Variants in DCAF8 observed in about 807,000 individuals in gnomAD.
DCAF8 encodes the protein DDB1 and CUL4 associated factor 8.
DCAF8 carries 20 observed loss-of-function variants against 68.0 expected under a neutral mutation model. The observed-to-expected ratio is 0.29, with a 90% CI of 0.21 to 0.43. The LOEUF is 0.43. DCAF8 is among the 20% of genes least tolerant of loss of function. The pLI is 1.00. For synonymous variants in DCAF8, 230 were observed against 276.9 expected (o/e 0.83, Z 1.68); for missense variants, 460 against 771.0 (o/e 0.60, Z 4.78).
intron 7 of DCAF8, among the ~76,000 whole-genome samples, chr1:160,226,318 T>C (rs987781623): frequency 3.3e-5 from 5 of 152,128 alleles, no homozygotes; most frequent in Admixed American, 3.3e-4. Context: ...CTCCCTCTCA[T>C]ACCCCACAAT....
intron 2 of DCAF8, among the ~76,000 whole-genome samples, chr1:160,256,115 G>C (rs1300566606): frequency 6.8e-6 from 1 of 147,760 alleles, no homozygotes; most frequent in Non-Finnish European, 1.5e-5. Flanking sequence ...AGCCCCCCGA[G>C]TAGTTGGGAT....
At chr1:160,229,405 T>C (rs1225047639) in intron 7 of DCAF8, among the ~76,000 whole-genome samples, 1 of 152,214 alleles carries the variant, frequency 6.6e-6, no homozygotes, top group Non-Finnish European at 1.5e-5. Context: ...TGTGTTGAAA[T>C]GCTAAAACTC....
At chr1:160,239,561 G>A (rs750393945) in intron 4 of DCAF8, 136 bp downstream of exon 4, 1 of 1,584,186 alleles carries the variant, frequency 6.3e-7, no homozygotes, top group Non-Finnish European at 8.6e-7. Flanking sequence ...AGGTCATTAG[G>A]GGAGCCAAAG....
chr1:160,236,128 C>G (rs1232937359), intron 6 of DCAF8, among the ~76,000 whole-genome samples: 1 of 151,966 alleles, frequency 6.6e-6, no homozygotes, highest in Non-Finnish European at 1.5e-5. Context: ...TTACTTGAAT[C>G]TCTTAAACAA....
chr1:160,229,386 A>G (rs1035704149), intron 7 of DCAF8, among the ~76,000 whole-genome samples: 1 of 152,198 alleles, frequency 6.6e-6, no homozygotes, highest in Non-Finnish European at 1.5e-5. Flanking sequence ...AGATTTGAGT[A>G]TTTCTCCTTG....
intron 3 of DCAF8, among the ~76,000 whole-genome samples, chr1:160,242,051 C>T (rs1331336315): frequency 3.3e-5 from 5 of 152,114 alleles, no homozygotes; most frequent in East Asian, 1.9e-4. Context: ...AAGACCAGCC[C>T]GGCTAACATG....
intron 7 of DCAF8, among the ~76,000 whole-genome samples, chr1:160,228,204 T>C (rs78215158): frequency 0.014 from 2,121 of 152,068 alleles, 57 homozygotes; most frequent in African/African-American, 0.048. Flanking sequence ...TCTAGTTTTA[T>C]AGTCATGAGC....
At chr1:160,253,982 G>A (rs1221931727) in intron 2 of DCAF8, among the ~76,000 whole-genome samples, 1 of 152,196 alleles carries the variant, frequency 6.6e-6, no homozygotes, top group Non-Finnish European at 1.5e-5. Flanking sequence ...TTTCTCTCCA[G>A]TAAAGAATCA....
chr1:160,249,040 A>G (rs1656472932), intron 2 of DCAF8, among the ~76,000 whole-genome samples: 1 of 149,248 alleles, frequency 6.7e-6, no homozygotes, highest in African/African-American at 2.6e-5. Flanking sequence ...AAAATACAAA[A>G]TTAGCTGGGG....
In DCAF8 at chr1:160,217,661, C is replaced by T; in HGVS notation, c.1725G>A (p.Glu575=). Residue 575 remains glutamate (E), a synonymous_variant, in exon 14 of 14, where the codon GAG becomes GAA. Coordinates refer to ENST00000368074, the MANE Select transcript of DCAF8 (RefSeq NM_015726.4). ...CCGATGTGTCTGAGGAGCTGGGAGA[C>T]TCATCAGAGTCCGCGTCTGTGGCCC... ...GVGATDADSD[E]SPSSSDTSDE... 1 of 1,614,186 alleles carries T rather than the reference C, an allele frequency of 6.2e-7. No homozygotes were observed. The highest frequency in any genetic ancestry group is 8.5e-7 in the Non-Finnish European group (1 of 1,180,022).
At chr1:160,220,517 A>G (rs1464496235) in intron 11 of DCAF8, 1 of 152,262 alleles carries the variant, frequency 6.6e-6, no homozygotes, top group Non-Finnish European at 1.5e-5. Context: ...GTACCTGGTC[A>G]CTTCACCAGA....
In DCAF8 at chr1:160,238,704, C is replaced by T. The variant is rs1655979098; in HGVS notation, c.767G>A (p.Cys256Tyr). The T allele has an allele frequency of 6.2e-7, 1 of 1,613,480 alleles. No individual in the cohort carries two copies. The highest frequency in any genetic ancestry group is 1.3e-5 in the African/African-American group (1 of 74,882). The change falls in exon 5 of 14, where the codon TGT becomes TAT. Residue 256 changes from cysteine to tyrosine, a missense_variant. Cys to Tyr is a radical substitution (Grantham distance 194). Around this residue, in one of 8 missense-constraint regions of DCAF8, gnomAD observed 170 missense variants for 318.2 expected, o/e 0.53. Transcript: ENST00000368074. The part of the protein sequence containing the change: ...PNSGDSTLAM[C>Y]ARDGQVRVAE... ...TACTCGAACCTGCCCGTCACGGGCA[C>T]ACATGGCCAGAGTAGAATCACCACT... is the stretch of plus-strand genomic sequence containing the variant.
At chr1:160,229,299 A>T (rs1655588772) in intron 7 of DCAF8, among the ~76,000 whole-genome samples, 1 of 152,162 alleles carries the variant, frequency 6.6e-6, no homozygotes, top group Admixed American at 6.5e-5. Flanking sequence ...CTGTCTCAAA[A>T]AAAAAACAAA....
chr1:160,262,391 A>G, intron 1 of DCAF8, 58 bp downstream of exon 1: 1 of 399,702 alleles, frequency 2.5e-6, no homozygotes, highest in East Asian at 3.6e-5. Flanking sequence ...GGCTGCTCCG[A>G]CTGTTCCAGG....
chr1:160,222,657 T>G lies in DCAF8; in HGVS notation c.1434A>C (p.Gly478=). 3 of 1,614,088 alleles carry G rather than the reference T, an allele frequency of 1.9e-6. No individual in the cohort carries two copies. Among genetic ancestry groups the G allele is most frequent in the Non-Finnish European group, 2.5e-6 (3 of 1,179,990 alleles). The stretch of plus-strand genomic sequence containing the variant: ...CTCAGCACACCATACTCACCACGCC[T>G]CCCTTGTCCCCCTCCATGAACTGAA... ...QIIQFMEGDK[G]GVVNCLEPHP... is the part of the protein sequence containing the mutation. Residue 478 remains glycine (G), a synonymous_variant, in exon 11 of 14, where the codon GGA becomes GGC. Coordinates refer to ENST00000368074, the MANE Select transcript of DCAF8 (RefSeq NM_015726.4).
In DCAF8 at chr1:160,222,774, G is replaced by A. The variant is rs766216059; in HGVS notation, c.1317C>T (p.Gly439=). Residue 439 remains glycine, a synonymous_variant, in exon 11 of 14, where the codon GGC becomes GGT. Coordinates refer to ENST00000368074, the MANE Select transcript of DCAF8 (RefSeq NM_015726.4). The part of the protein sequence containing the change: ...KGHRNNATVK[G]VNFYGPKSEF... ...CACTCTTGGGGCCATAGAAATTGAC[G>A]CCTTTTACTGAAATGATAAATGAGG... 1.2e-5 allele frequency: 19 copies of A among 1,614,132 alleles called. No individual in the cohort carries two copies. The highest frequency in any genetic ancestry group is 1.6e-4 in the Middle Eastern group (1 of 6,062).
intron 2 of DCAF8, among the ~76,000 whole-genome samples, chr1:160,254,128 C>G (rs1420370995): frequency 6.6e-6 from 1 of 152,022 alleles, no homozygotes; most frequent in African/African-American, 2.4e-5. Flanking sequence ...TTGAGACCAG[C>G]CTGGCCAACA....
intron 11 of DCAF8, chr1:160,219,848 C>T (rs916540564): frequency 6.6e-6 from 1 of 152,242 alleles, no homozygotes; most frequent in Non-Finnish European, 1.5e-5. Flanking sequence ...AGAGTTAGTT[C>T]CAGATCTAGC....
chr1:160,216,518 A>G lies in DCAF8; in HGVS notation c.*1074T>C, dbSNP rs1655125510. 1 of 152,572 alleles carries G rather than the reference A, an allele frequency of 6.6e-6. No individual in the cohort carries two copies. The highest frequency in any genetic ancestry group is 2.4e-5 in the African/African-American group (1 of 41,442). 9.5% of individuals were successfully genotyped at this position (152,572 alleles called of 1,614,324 possible). On this transcript the variant is annotated 3_prime_UTR_variant, in exon 14 of 14. Coordinates refer to ENST00000368074, the MANE Select transcript of DCAF8 (RefSeq NM_015726.4). ...TCCTGTTTTTCCCAACCCCTACACC[A>G]AAGCAGGGAACCAGGAAGGGCAGAA...
Sources: allele counts gnomAD v4.1 joint callset (sites outside exome capture counted in the v4.1 genomes callset), GRCh38; gene constraint gnomAD v4.1.1; regional missense constraint gnomAD v4.1.1; transcripts MANE v1.5; gene names NCBI Gene and HGNC (gene_info 2026-07-23, HGNC 2026-07-21).